The following RGPD3 variants were observed in gnomAD, a reference collection of about 807,000 sequenced individuals.
RGPD3 encodes the protein RANBP2 like and GRIP domain containing 3.
Under a neutral mutation model 154.5 loss-of-function variants are expected in RGPD3, and 62 were observed. The ratio of observed to expected loss-of-function variants is 0.40; its 90% CI spans 0.33 to 0.50. The LOEUF (loss-of-function observed/expected upper bound fraction) is 0.50, where lower values mean the gene tolerates loss of function less well. Ranked by LOEUF, RGPD3 falls within the 20% of genes least tolerant of loss-of-function variation. The pLI, the probability that RGPD3 is intolerant of heterozygous loss-of-function variation, is 0.59. For synonymous variants in RGPD3, 308 were observed against 607.0 expected (o/e 0.51, Z 7.24); for missense variants, 919 against 1,716.8 (o/e 0.54, Z 8.21).
intron 7 of RGPD3, among the ~76,000 whole-genome samples, chr2:106,441,809 C>T (rs891244877): frequency 7.5e-5 from 10 of 133,164 alleles, no homozygotes; most frequent in Non-Finnish European, 1.1e-4. Context: ...GGTTGTAGTG[C>T]GCCGAGACTG....
At position 106,468,374 on chromosome 2, in the gene RGPD3, A is replaced by G; in HGVS notation, c.-86T>C. On this transcript the variant is annotated 5_prime_UTR_variant, in exon 1 of 23. Transcript: ENST00000409886. ...CAATTCCAAGAGGAAAGCGCCTGAA[A>G]GCCACTGAGGCAGCGGCGTAGCCGG... is the stretch of plus-strand genomic sequence containing the variant. 2 of 1,546,338 alleles carry G rather than the reference A, an allele frequency of 1.3e-6. No homozygotes were observed. Among genetic ancestry groups the G allele is most frequent in the Non-Finnish European group, 1.7e-6 (2 of 1,144,858 alleles).
intron 22 of RGPD3, among the ~76,000 whole-genome samples, chr2:106,409,479 A>G (rs1676606420): frequency 6.6e-6 from 1 of 152,158 alleles, no homozygotes; most frequent in Admixed American, 6.5e-5. Context: ...AAAGGTTGGC[A>G]GTTATTTCTT....
chr2:106,467,193 A>G (rs1279657378), intron 1 of RGPD3, among the ~76,000 whole-genome samples: 1 of 824 alleles, frequency 1.2e-3, no homozygotes, highest in Non-Finnish European at 2.0e-3. Flanking sequence ...GCCTCAACAG[A>G]GCGCGCCAGG....
At chr2:106,426,237 CCAAT>C (rs1184027632) in intron 18 of RGPD3, 149 bp from the exon 19 acceptor site, 2 of 557,766 alleles carry the variant, frequency 3.6e-6, no homozygotes, top group African/African-American at 1.9e-5. Context: ...TCAAAATACA[CCAAT>C]CAAGATTATC....
chr2:106,466,445 G>A (rs1184604806), intron 1 of RGPD3, among the ~76,000 whole-genome samples: 104 of 119,264 alleles, frequency 8.7e-4, no homozygotes, highest in African/African-American at 3.2e-3. Flanking sequence ...CTGAGCCATC[G>A]AGGCCGCCGC....
At chr2:106,411,679 T>C (rs959885284) in intron 22 of RGPD3, among the ~76,000 whole-genome samples, 7 of 151,608 alleles carry the variant, frequency 4.6e-5, no homozygotes, top group African/African-American at 4.8e-5. Context: ...ATAGAAAAAT[T>C]AGCTGGCGTG....
At position 106,425,203 on chromosome 2, in the gene RGPD3, C is replaced by T; in HGVS notation, c.2764G>A (p.Gly922Arg). Residue 922 changes from glycine to arginine, a missense_variant, in exon 20 of 23, where the codon GGA (glycine) becomes AGA (arginine). Gly to Arg is a moderately radical substitution (Grantham distance 125, BLOSUM62 -2). Transcript: ENST00000409886. ...EGFSIPVSAD[G>R]FKFGISEPGN... ...GGTTCCGAAATGCCAAATTTAAATCCATCAGCAGACACAGGGATGGAAAAT... is the reference window on the plus strand; with the variant it reads ...GGTTCCGAAATGCCAAATTTAAATCTATCAGCAGACACAGGGATGGAAAAT... The T allele has an allele frequency of 6.2e-7, 1 of 1,611,676 alleles. No homozygotes were observed. Among genetic ancestry groups the T allele is most frequent in the Non-Finnish European group, 8.5e-7 (1 of 1,179,748 alleles).
chr2:106,424,085 G>A lies in RGPD3; in HGVS notation c.3882C>T (p.Phe1294=), dbSNP rs1399560284. The stretch of plus-strand genomic sequence containing the variant: ...ATAGACTCAAAGCAGATTTAAAACT[G>A]AAGTTAGATCCTGTTGTTGACTCAT... The part of the protein sequence containing the change: ...HFDESTTGSN[F]SFKSALSLSK... Residue 1294 remains phenylalanine (F), a synonymous_variant, in exon 20 of 23, where the codon TTC becomes TTT. Coordinates refer to ENST00000409886, the MANE Select transcript of RGPD3 (RefSeq NM_001144013.2). The A allele has an allele frequency of 3.7e-6, 6 of 1,611,382 alleles. No homozygotes were observed. In the South Asian group the frequency reaches 6.6e-5, roughly 18 times the overall value.
rs549978350 is a variant in RGPD3, at chr2:106,425,122, C to T, written c.2845G>A (p.Ala949Thr). Residue 949 changes from alanine to threonine, a missense_variant, in exon 20 of 23, where the codon GCT (alanine) becomes ACT (threonine). Ala to Thr is a moderately conservative substitution (Grantham distance 58). Coordinates refer to ENST00000409886, the MANE Select transcript of RGPD3 (RefSeq NM_001144013.2). ...TTCTTCCGGCCACTAATATCCTGAG[C>T]CTGTAAGCCAGTATCATTTTCAAGA... ...KPLENDTGLQ[A>T]QDISGRKKGR... 4 of 1,611,982 alleles carry T rather than the reference C, an allele frequency of 2.5e-6. No homozygotes were observed. The highest frequency in any genetic ancestry group is 3.3e-5 in the Admixed American group (2 of 60,014).
chr2:106,415,697 A>AT, intron 21 of RGPD3, among the ~76,000 whole-genome samples, 153 bp downstream of exon 21: 1 of 134,636 alleles, frequency 7.4e-6, no homozygotes, highest in African/African-American at 3.0e-5. Flanking sequence ...AAAAAAAAAA[A>AT]GGCAATATTT....
chr2:106,411,055 T>C (rs1676655923), intron 22 of RGPD3, among the ~76,000 whole-genome samples: 1 of 150,378 alleles, frequency 6.6e-6, no homozygotes, highest in Non-Finnish European at 1.5e-5. Flanking sequence ...ACCAGGGGTT[T>C]TCAAGGTATG....
intron 9 of RGPD3, among the ~76,000 whole-genome samples, chr2:106,438,501 G>A (rs958307713): frequency 6.7e-6 from 1 of 148,216 alleles, no homozygotes; most frequent in Admixed American, 6.8e-5. Context: ...ATACAACAAG[G>A]CTGGTCACGG....
rs554129403 is a variant in RGPD3 at position 106,468,194 on chromosome 2, C to A, written c.72+23G>T. Reference sequence around the variant, plus strand: ...CGCCGCCCGGCCAGGTCGAGGCCGTCGGTCTCTTCCAGACCCACTCACCTT... The same window carrying A: ...CGCCGCCCGGCCAGGTCGAGGCCGTAGGTCTCTTCCAGACCCACTCACCTT... On this transcript the variant is annotated intron_variant, in intron 1 of 22. Coordinates refer to ENST00000409886, the MANE Select transcript of RGPD3 (RefSeq NM_001144013.2). 3.8e-5 allele frequency: 61 copies of A among 1,593,704 alleles called. No individual in the cohort carries two copies. The African/African-American group carries it at 4.4e-4, about 12-fold the overall frequency.
chr2:106,416,389 G>A (rs2581005), intron 20 of RGPD3, among the ~76,000 whole-genome samples: 470 of 92,428 alleles, frequency 5.1e-3, no homozygotes, highest in African/African-American at 0.015. Context: ...TCTATCAGGC[G>A]GGGTAGGTAT....
At chr2:106,468,192 G>C (rs538599383) in intron 1 of RGPD3, 25 bp downstream of exon 1, 17 of 1,591,526 alleles carry the variant, frequency 1.1e-5, no homozygotes, top group East Asian at 6.8e-5. Flanking sequence ...GGTCGAGGCC[G>C]TCGGTCTCTT....
chr2:106,425,030 A>T lies in RGPD3; in HGVS notation c.2937T>A (p.Thr979=), dbSNP rs765644602. Residue 979 remains threonine (T), a synonymous_variant, in exon 20 of 23, where the codon ACT becomes ACA. Transcript: ENST00000409886. ...TGCCAAACTGAAATCCTTCTCCTGAAGTTGATTTTGCAACATCTGCAAATG... is the reference window on the plus strand; with the variant it reads ...TGCCAAACTGAAATCCTTCTCCTGATGTTGATTTTGCAACATCTGCAAATG... The part of the protein sequence containing the change: ...TFTFADVAKS[T]SGEGFQFGKK... 6.8e-6 allele frequency: 11 copies of T among 1,611,924 alleles called. No individual in the cohort carries two copies. The highest frequency in any genetic ancestry group is 2.3e-4 in the Middle Eastern group (1 of 4,430).
Position 106,424,232 on chromosome 2 carries a change from G to A in RGPD3, c.3735C>T (p.Pro1245=). 1 of 1,611,962 alleles carries A rather than the reference G, an allele frequency of 6.2e-7. No homozygotes were observed. Among genetic ancestry groups the A allele is most frequent in the African/African-American group, 1.3e-5 (1 of 74,958 alleles). ...TIKPNAENTG[P]TLEWDNYDLR... ...AATCATAGTTATCCCATTCTAATGT[G>A]GGCCCAGTGTTTTCAGCATTGGGTT... Residue 1245 remains proline (P), a synonymous_variant, in exon 20 of 23, where the codon CCC becomes CCT. Transcript: ENST00000409886.
chr2:106,419,272 AC>A (rs1676907061), intron 20 of RGPD3, among the ~76,000 whole-genome samples: 1 of 138,798 alleles, frequency 7.2e-6, no homozygotes, highest in Non-Finnish European at 1.5e-5. Flanking sequence ...CCCATGGGAA[AC>A]CAAAACACCA....
chr2:106,441,327 C>T lies in RGPD3; in HGVS notation c.1032G>A (p.Leu344=), dbSNP rs1677736063. 2 of 1,568,632 alleles carry T rather than the reference C, an allele frequency of 1.3e-6. No homozygotes were observed. Among genetic ancestry groups the T allele is most frequent in the South Asian group, 1.2e-5 (1 of 85,834 alleles). Residue 344 remains leucine, a synonymous_variant, in exon 8 of 23, where the codon CTG becomes CTA. Coordinates refer to ENST00000409886, the MANE Select transcript of RGPD3 (RefSeq NM_001144013.2). ...LIKGEAGQNL[L]EMMACDRLSQ... ...TCAGTCGGTCACAGGCCATCATTTC[C>T]AGCAGATTTTGTCCAGCTTCACCTT...
Sources: allele counts gnomAD v4.1 joint callset (sites outside exome capture counted in the v4.1 genomes callset), GRCh38; gene constraint gnomAD v4.1.1; transcripts MANE v1.5; gene names NCBI Gene and HGNC (gene_info 2026-07-23, HGNC 2026-07-21).